DPH6: variants seen among roughly 807,000 people sequenced by gnomAD.
The protein encoded by DPH6 is diphthine--ammonia ligase.
A neutral mutation model predicts 38.2 loss-of-function variants in DPH6; 33 were observed. The ratio of observed to expected loss-of-function variants is 0.86; its 90% confidence interval spans 0.65 to 1.15. DPH6 has a LOEUF of 1.15. Ranked by LOEUF, DPH6 falls within the 50% of genes most tolerant of loss-of-function variation. The pLI is 0.00. For missense variants in DPH6, 325 were observed against 320.0 expected, an observed-to-expected ratio of 1.02 and a Z score of -0.12; for synonymous variants, 108 against 103.0, an observed-to-expected ratio of 1.05 and a Z score of -0.30.
intron 3 of DPH6, among the ~76,000 whole-genome samples, chr15:35,243,147 G>A (rs57794023): frequency 0.044 from 6,185 of 141,366 alleles, 885 homozygotes; most frequent in African/African-American, 0.081. Context: ...ATACAAAACC[G>A]TATCCAGGCC....
At chr15:35,158,375 T>C in the DPH6 span, among the ~76,000 whole-genome samples, 1 of 152,102 alleles carries the variant, frequency 6.6e-6, no homozygotes, top group African/African-American at 2.4e-5. Context: ...ATGGTTTTCA[T>C]GGAATTAGGG....
chr15:35,376,481 C>T (rs942902206), intron 7 of DPH6, among the ~76,000 whole-genome samples: 2 of 152,050 alleles, frequency 1.3e-5, no homozygotes, highest in African/African-American at 2.4e-5. Flanking sequence ...GACATCATAG[C>T]TGTCATAATG....
At chr15:35,190,789 G>A in the DPH6 span, among the ~76,000 whole-genome samples, 2 of 152,302 alleles carry the variant, frequency 1.3e-5, no homozygotes, top group Admixed American at 6.5e-5. Context: ...AAGTTAGTTC[G>A]GCTTTTGCCC....
chr15:35,464,322 G>C (rs7176157), intron 3 of DPH6, among the ~76,000 whole-genome samples: 5,179 of 151,356 alleles, frequency 0.034, 294 homozygotes, highest in African/African-American at 0.12. Context: ...GCAAATATGT[G>C]ACATAAGTCT....
chr15:35,543,193 G>A (rs1218353897), intron 1 of DPH6, among the ~76,000 whole-genome samples: 11 of 143,936 alleles, frequency 7.6e-5, no homozygotes, highest in South Asian at 6.5e-4. Flanking sequence ...CACTGATGAC[G>A]TGAAACATCA....
intron 3 of DPH6, among the ~76,000 whole-genome samples, chr15:35,285,217 T>G (rs111369708): frequency 2.4e-4 from 37 of 152,306 alleles, no homozygotes; most frequent in Middle Eastern, 3.4e-3. Context: ...TTCTTCCTAT[T>G]TTCCAGTACC....
At chr15:35,249,399 T>C (rs934931885) in intron 3 of DPH6, among the ~76,000 whole-genome samples, 1 of 152,220 alleles carries the variant, frequency 6.6e-6, no homozygotes, top group African/African-American at 2.4e-5. Flanking sequence ...ATGGTTACAT[T>C]TTCTTTTCAA....
At chr15:35,445,345 C>T (rs1261761689) in intron 5 of DPH6, among the ~76,000 whole-genome samples, 5 of 149,954 alleles carry the variant, frequency 3.3e-5, no homozygotes, top group African/African-American at 1.2e-4. Context: ...CCTACTGTTC[C>T]GAATCCTCCA....
At chr15:35,527,646 G>T (rs1195694734) in intron 3 of DPH6, among the ~76,000 whole-genome samples, 1 of 152,114 alleles carries the variant, frequency 6.6e-6, no homozygotes, top group Admixed American at 6.6e-5. Flanking sequence ...TCATGCAAAA[G>T]AAGGAGTTGG....
At chr15:35,259,515 C>T (rs183302543) in intron 3 of DPH6, among the ~76,000 whole-genome samples, 1 of 152,300 alleles carries the variant, frequency 6.6e-6, no homozygotes, top group African/African-American at 2.4e-5. Context: ...CACAGCTTCA[C>T]AGCATTAGCT....
chr15:35,245,446 G>T lies in DPH6; in HGVS notation n.201-24864C>A, dbSNP rs377110174. The stretch of plus-strand genomic sequence containing the variant: ...GTAGAGATGGGGTTTCACTGTGTTA[G>T]CCAGGATGGTCTCGATCTCCTGACC... On this transcript the variant is annotated intron_variant and non_coding_transcript_variant, in intron 3 of 3. Coordinates refer to the DPH6 transcript ENST00000560386. Among the ~76,000 whole-genome samples the T allele has an allele frequency of 1.8e-3, 273 of 152,186 alleles. 8 individuals are homozygous for T. The Middle Eastern group carries it at 0.024, about 13-fold the overall frequency.
chr15:35,332,002 C>T (rs994193590), intron 3 of DPH6, among the ~76,000 whole-genome samples: 1 of 152,180 alleles, frequency 6.6e-6, no homozygotes, highest in Non-Finnish European at 1.5e-5. Context: ...ACTGTAGCTG[C>T]AGCCATAGAT....
chr15:35,535,561 C>T (rs2055156320), intron 3 of DPH6, among the ~76,000 whole-genome samples: 1 of 152,084 alleles, frequency 6.6e-6, no homozygotes, highest in Non-Finnish European at 1.5e-5. Flanking sequence ...ATGTATCTTT[C>T]TGTAACTATT....
intron 6 of DPH6, among the ~76,000 whole-genome samples, chr15:35,402,940 T>G (rs1723826108): frequency 1.3e-5 from 2 of 152,106 alleles, no homozygotes; most frequent in Non-Finnish European, 2.9e-5. Flanking sequence ...AAGTAAATAA[T>G]GATACCTTCA....
chr15:35,443,853 A>C (rs1160267332), intron 5 of DPH6, among the ~76,000 whole-genome samples: 1 of 152,158 alleles, frequency 6.6e-6, no homozygotes, highest in Non-Finnish European at 1.5e-5. Context: ...TGTGATATTT[A>C]TTTTATAGTG....
intron 6 of DPH6, among the ~76,000 whole-genome samples, chr15:35,406,909 T>A (rs1360957113): frequency 6.6e-6 from 1 of 151,934 alleles, no homozygotes; most frequent in Non-Finnish European, 1.5e-5. Context: ...GTAGTTGAAG[T>A]CATGGGACTA....
the DPH6 span, among the ~76,000 whole-genome samples, chr15:35,183,715 G>C: frequency 6.6e-6 from 1 of 152,146 alleles, no homozygotes. Flanking sequence ...AAGGATCAAA[G>C]TGATACACTT....
chr15:35,388,801 T>G (rs908433676), intron 6 of DPH6, among the ~76,000 whole-genome samples: 5 of 152,224 alleles, frequency 3.3e-5, no homozygotes, highest in Non-Finnish European at 7.3e-5. Context: ...AGCTCCTGGA[T>G]TCACTGATTT....
At chr15:35,237,297 C>T (rs752405924) in intron 3 of DPH6, 15 of 1,556,136 alleles carry the variant, frequency 9.6e-6, no homozygotes, top group African/African-American at 8.1e-5. Flanking sequence ...ATTCCAGCGG[C>T]GCGGGAGCCT....
Sources: allele counts gnomAD v4.1 joint callset (sites outside exome capture counted in the v4.1 genomes callset), GRCh38; gene constraint gnomAD v4.1.1; transcripts MANE v1.5; gene names NCBI Gene and HGNC (gene_info 2026-07-23, HGNC 2026-07-21).